Variants in CACHD1 observed in about 807,000 individuals in gnomAD.
The protein encoded by CACHD1 is cache domain containing 1.
In CACHD1, 71 loss-of-function variants were observed where a neutral mutation model predicts 138.7. That is an observed-to-expected ratio of 0.51 (90% confidence interval 0.42 to 0.62). The LOEUF (loss-of-function observed/expected upper bound fraction) is 0.62. CACHD1 is among the 20% of genes least tolerant of loss of function. The pLI, the probability that CACHD1 is intolerant of heterozygous loss-of-function variation, is 0.00. For synonymous variants in CACHD1, 578 were observed against 591.5 expected, an observed-to-expected ratio of 0.98 and a Z score of 0.33; for missense variants, 1,389 against 1,625.3, an observed-to-expected ratio of 0.85 and a Z score of 2.50.
At chr1:64,541,772 C>T (rs1646679097) in intron 1 of CACHD1, among the ~76,000 whole-genome samples, 1 of 152,160 alleles carries the variant, frequency 6.6e-6, no homozygotes, top group African/African-American at 2.4e-5. Context: ...GTCAAGTCTG[C>T]AATGAGATGT....
chr1:64,489,440 A>C (rs926554948), intron 1 of CACHD1, among the ~76,000 whole-genome samples: 5 of 152,154 alleles, frequency 3.3e-5, no homozygotes, highest in African/African-American at 9.7e-5. Context: ...CCCAGTTTAC[A>C]AAGAGTCTGG....
At chr1:64,485,544 A>G (rs1646237207) in intron 1 of CACHD1, among the ~76,000 whole-genome samples, 1 of 152,070 alleles carries the variant, frequency 6.6e-6, no homozygotes, top group Non-Finnish European at 1.5e-5. Context: ...TTGCTTACCC[A>G]TTCACTAATT....
At chr1:64,524,988 C>T (rs534419620) in intron 1 of CACHD1, among the ~76,000 whole-genome samples, 10 of 152,020 alleles carry the variant, frequency 6.6e-5, no homozygotes, top group Non-Finnish European at 8.8e-5. Flanking sequence ...AGTAGAGAGC[C>T]GAGCTTTGAA....
chr1:64,639,928 T>A (rs4915994), intron 7 of CACHD1, among the ~76,000 whole-genome samples: 149,398 of 152,264 alleles, frequency 0.98, 73,381 homozygotes, highest in East Asian at 1. Context: ...AGCTGCTGTC[T>A]TCTCAAAGTT....
At chr1:64,521,817 A>G (rs1646499929) in intron 1 of CACHD1, among the ~76,000 whole-genome samples, 1 of 152,122 alleles carries the variant, frequency 6.6e-6, no homozygotes. Context: ...GCCTATTTTT[A>G]AATTATCTTT....
At chr1:64,502,452 C>T (rs1287508657) in intron 1 of CACHD1, among the ~76,000 whole-genome samples, 9 of 152,108 alleles carry the variant, frequency 5.9e-5, no homozygotes, top group African/African-American at 2.2e-4. Flanking sequence ...ATTCCAGCCA[C>T]GACTTCATTC....
intron 1 of CACHD1, among the ~76,000 whole-genome samples, chr1:64,502,221 T>C (rs763600368): frequency 2.6e-5 from 4 of 152,230 alleles, no homozygotes; most frequent in South Asian, 2.1e-4. Context: ...TGTGAACTTA[T>C]CCTGTAATGT....
rs1166436139 is a variant in CACHD1, at chr1:64,647,994, A to G, written c.1350A>G (p.Glu450=). The change falls in exon 9 of 27, where the codon GAA becomes GAG. Residue 450 remains glutamate (E), a synonymous_variant. Coordinates refer to ENST00000651257, the MANE Select transcript of CACHD1 (RefSeq NM_020925.4). The part of the protein sequence containing the change: ...YTNLPNRMID[E]AVFSLPFSDE... ...ACCTTCCCAACCGGATGATTGATGA[A>G]GCCGTCTTCAGCCTGCCCTTCTCTG... The G allele has an allele frequency of 1.9e-6, 3 of 1,613,724 alleles. No individual in the cohort carries two copies. Among genetic ancestry groups the G allele is most frequent in the Non-Finnish European group, 2.5e-6 (3 of 1,179,948 alleles).
chr1:64,600,360 C>T (rs1262172409), intron 3 of CACHD1, among the ~76,000 whole-genome samples: 1 of 152,202 alleles, frequency 6.6e-6, no homozygotes, highest in African/African-American at 2.4e-5. Context: ...GGCCTCACCC[C>T]AGACTCACTA....
chr1:64,566,484 C>CCCCA (rs1285028508), intron 2 of CACHD1, among the ~76,000 whole-genome samples: 2 of 141,888 alleles, frequency 1.4e-5, no homozygotes, highest in Non-Finnish European at 3.2e-5. Flanking sequence ...TCAATTCCCC[C>CCCCA]CCCCCCACAA....
chr1:64,677,160 A>C, intron 22 of CACHD1, 149 bp downstream of exon 22: 2 of 633,724 alleles, frequency 3.2e-6, no homozygotes, highest in Non-Finnish European at 5.6e-6. Context: ...TCTCGTTCCC[A>C]CTTATTACCC....
At chr1:64,676,021 TA>T (rs1649979955) in intron 21 of CACHD1, 38 bp downstream of exon 21, 2 of 440,596 alleles carry the variant, frequency 4.5e-6, no homozygotes, top group African/African-American at 6.9e-5. Context: ...ATAATAATAA[TA>T]ATAATAATAA....
At chr1:64,621,740 G>C (rs930425906) in intron 4 of CACHD1, among the ~76,000 whole-genome samples, 3 of 152,160 alleles carry the variant, frequency 2.0e-5, no homozygotes, top group African/African-American at 7.2e-5. Flanking sequence ...TGAAAGAATT[G>C]GCTCTTGATG....
intron 4 of CACHD1, among the ~76,000 whole-genome samples, chr1:64,615,378 G>C (rs1570419051): frequency 6.6e-6 from 1 of 152,194 alleles, no homozygotes. Context: ...CCAACCCCAG[G>C]ACTGCTTGGA....
intron 1 of CACHD1, among the ~76,000 whole-genome samples, chr1:64,531,157 G>C (rs1191182319): frequency 6.6e-6 from 1 of 152,106 alleles, no homozygotes; most frequent in Admixed American, 6.5e-5. Context: ...ATTGTGGATA[G>C]AATGAAAAGC....
At chr1:64,612,814 C>G (rs967399308) in intron 4 of CACHD1, among the ~76,000 whole-genome samples, 1 of 152,222 alleles carries the variant, frequency 6.6e-6, no homozygotes, top group African/African-American at 2.4e-5. Context: ...ACAGTGTCCA[C>G]TCTGCAGCCA....
At chr1:64,483,333 G>T (rs188570215) in intron 1 of CACHD1, among the ~76,000 whole-genome samples, 1 of 152,150 alleles carries the variant, frequency 6.6e-6, no homozygotes, top group Non-Finnish European at 1.5e-5. Flanking sequence ...GACTTCATTA[G>T]TTAATTCATT....
intron 1 of CACHD1, among the ~76,000 whole-genome samples, chr1:64,515,203 TACTA>T (rs1467279368): frequency 7.9e-5 from 12 of 152,342 alleles, no homozygotes; most frequent in African/African-American, 4.8e-5. Context: ...TCCCCATTAA[TACTA>T]ACTATTTAAC....
chr1:64,677,541 T>C (rs1438921624), intron 22 of CACHD1, among the ~76,000 whole-genome samples: 1 of 152,230 alleles, frequency 6.6e-6, no homozygotes, highest in Non-Finnish European at 1.5e-5. Context: ...CTTGCCATTT[T>C]ATTAAACAGT....
Sources: gnomAD v4.1 joint callset for allele counts (sites outside exome capture counted in the v4.1 genomes callset) on GRCh38, gnomAD v4.1.1 for gene constraint, MANE v1.5 for transcripts, NCBI Gene and HGNC (gene_info 2026-07-23, HGNC 2026-07-21) for gene names.